The following UQCC1 variants were observed in gnomAD, a reference collection of about 807,000 sequenced individuals.
UQCC1 encodes bFGF-repressed Zic-binding protein.
In UQCC1, 38 loss-of-function variants were observed where a neutral mutation model predicts 48.0. That is an observed-to-expected ratio of 0.79 (90% CI 0.61 to 1.04). The LOEUF is 1.04. Ranked by LOEUF, UQCC1 falls within the 50% of genes least tolerant of loss-of-function variation. UQCC1 has a pLI of 0.00. For synonymous variants in UQCC1, 111 were observed against 129.2 expected (o/e 0.86, Z 0.95); for missense variants, 368 against 381.8 (o/e 0.96, Z 0.30).
chr20:35,402,970 G>C (rs1450335986), intron 1 of UQCC1, among the ~76,000 whole-genome samples: 1 of 151,990 alleles, frequency 6.6e-6, no homozygotes, highest in Non-Finnish European at 1.5e-5. Context: ...GGGAGGCTGA[G>C]GCAGGAGAAT....
At chr20:35,350,318 A>C (rs192434712) in intron 6 of UQCC1, among the ~76,000 whole-genome samples, 2 of 152,266 alleles carry the variant, frequency 1.3e-5, no homozygotes, top group Non-Finnish European at 2.9e-5. Context: ...TTGAATAATC[A>C]AACTGACAAC....
intron 6 of UQCC1, among the ~76,000 whole-genome samples, chr20:35,356,120 C>T (rs1568678343): frequency 6.6e-6 from 1 of 152,170 alleles, no homozygotes; most frequent in Non-Finnish European, 1.5e-5. Flanking sequence ...AACTCATAAG[C>T]TCAAGTGATC....
chr20:35,347,204 AAATG>A lies in UQCC1; in HGVS notation c.529_532del (p.His177LeufsTer20), dbSNP rs1456617813. The A allele has an allele frequency of 1.5e-5, 24 of 1,613,968 alleles. No individual in the cohort carries two copies. The highest frequency in any genetic ancestry group is 1.9e-5 in the Non-Finnish European group (23 of 1,180,026). ...GCGCTGCTGAACATCCTCCCACATAAAATGAACTATGATACGACACATGTACTTC... is the reference window on the plus strand; with the variant it reads ...GCGCTGCTGAACATCCTCCCACATAAAACTATGATACGACACATGTACTTC... On this transcript the variant is annotated frameshift_variant, in exon 7 of 10. Coordinates refer to ENST00000374385, the MANE Select transcript of UQCC1 (RefSeq NM_018244.5). LOFTEE classifies it high-confidence loss of function.
At chr20:35,396,974 ACAGT>A (rs1372260624) in intron 1 of UQCC1, among the ~76,000 whole-genome samples, 1 of 152,130 alleles carries the variant, frequency 6.6e-6, no homozygotes, top group Non-Finnish European at 1.5e-5. Context: ...AATGTATAAC[ACAGT>A]CAGCCCTCCA....
chr20:35,303,296 G>C lies in UQCC1; in HGVS notation c.*639C>G, dbSNP rs1473584986. 6.6e-6 allele frequency: 1 copy of C among 152,554 alleles called. No homozygotes were observed. Among genetic ancestry groups the C allele is most frequent in the Non-Finnish European group, 1.5e-5 (1 of 68,284 alleles). The allele number at this position is 152,554 out of a possible 1,614,324, so 9.5% of individuals were successfully genotyped here. On this transcript the variant is annotated 3_prime_UTR_variant, in exon 10 of 10. Coordinates refer to ENST00000374385, the MANE Select transcript of UQCC1 (RefSeq NM_018244.5). Reference sequence around the variant, plus strand: ...GGCCTGGCTGGCTGTATCTTGGCCTGAACAGAGACACATCTCCATGAACTA... The same window carrying C: ...GGCCTGGCTGGCTGTATCTTGGCCTCAACAGAGACACATCTCCATGAACTA...
chr20:35,370,566 A>G (rs2061719368), intron 5 of UQCC1, among the ~76,000 whole-genome samples: 1 of 152,230 alleles, frequency 6.6e-6, no homozygotes, highest in Non-Finnish European at 1.5e-5. Context: ...AACAGAATGT[A>G]ATAAAAATGA....
chr20:35,392,775 G>A (rs949096103), intron 2 of UQCC1, among the ~76,000 whole-genome samples: 1 of 151,734 alleles, frequency 6.6e-6, no homozygotes, highest in Admixed American at 6.6e-5. Flanking sequence ...CACATTAATT[G>A]GAGGGAATTT....
At chr20:35,336,305 G>A (rs2061315785) in intron 7 of UQCC1, among the ~76,000 whole-genome samples, 1 of 152,142 alleles carries the variant, frequency 6.6e-6, no homozygotes, top group Non-Finnish European at 1.5e-5. Context: ...AGATATCCAT[G>A]TCCCAGTTCC....
chr20:35,394,283 T>G, intron 1 of UQCC1, 87 bp from the exon 2 acceptor site: 2 of 1,155,656 alleles, frequency 1.7e-6, no homozygotes, highest in Non-Finnish European at 2.5e-6. Flanking sequence ...TACTGTAATA[T>G]AATTAGAAAT....
intron 2 of UQCC1, among the ~76,000 whole-genome samples, chr20:35,393,374 C>A (rs1278761723): frequency 6.6e-6 from 1 of 151,768 alleles, no homozygotes; most frequent in Non-Finnish European, 1.5e-5. Context: ...TCTATCAAAA[C>A]AATATGAATA....
intron 8 of UQCC1, among the ~76,000 whole-genome samples, chr20:35,309,654 G>A (rs1203782755): frequency 2.0e-5 from 3 of 152,118 alleles, no homozygotes; most frequent in Admixed American, 6.5e-5. Context: ...GTTTTCCCTC[G>A]TGACACAATG....
intron 1 of UQCC1, among the ~76,000 whole-genome samples, chr20:35,395,150 T>C (rs1355675080): frequency 6.6e-6 from 1 of 152,084 alleles, no homozygotes; most frequent in African/African-American, 2.4e-5. Flanking sequence ...GGAGGCTTCA[T>C]TACGTAGACA....
At chr20:35,382,336 A>G (rs1600987427) in intron 3 of UQCC1, among the ~76,000 whole-genome samples, 1 of 151,944 alleles carries the variant, frequency 6.6e-6, no homozygotes, top group Non-Finnish European at 1.5e-5. Context: ...GGGGGGGTCC[A>G]TAGCCTATTG....
chr20:35,399,243 A>C (rs886639781), intron 1 of UQCC1, among the ~76,000 whole-genome samples: 4 of 152,242 alleles, frequency 2.6e-5, no homozygotes, highest in African/African-American at 9.6e-5. Flanking sequence ...TTTCCCCAGC[A>C]AACTGCCAGA....
chr20:35,314,418 C>G (rs1429649977), intron 8 of UQCC1, among the ~76,000 whole-genome samples: 1 of 152,142 alleles, frequency 6.6e-6, no homozygotes, highest in Non-Finnish European at 1.5e-5. Flanking sequence ...GTCCCTCCAT[C>G]CAGCACCCAG....
chr20:35,315,976 C>G (rs1241965365), intron 7 of UQCC1, among the ~76,000 whole-genome samples: 3 of 152,208 alleles, frequency 2.0e-5, no homozygotes, highest in Non-Finnish European at 2.9e-5. Flanking sequence ...TCTTGGGGAA[C>G]AGCCTGGCCT....
At chr20:35,382,677 T>C (rs1301698322) in intron 3 of UQCC1, among the ~76,000 whole-genome samples, 1 of 151,350 alleles carries the variant, frequency 6.6e-6, no homozygotes, top group Non-Finnish European at 1.5e-5. Flanking sequence ...GCCCGGCTAA[T>C]TTTTTTGTAT....
At chr20:35,336,647 A>G (rs2061319501) in intron 7 of UQCC1, among the ~76,000 whole-genome samples, 1 of 152,008 alleles carries the variant, frequency 6.6e-6, no homozygotes, top group Non-Finnish European at 1.5e-5. Flanking sequence ...CATGAAACTG[A>G]TTTCTGGCCT....
intron 7 of UQCC1, among the ~76,000 whole-genome samples, chr20:35,341,218 CAA>C (rs61675932): frequency 0.011 from 1,326 of 115,802 alleles, 18 homozygotes; most frequent in African/African-American, 0.043. Flanking sequence ...GAGACTCCGT[CAA>C]AAAAAAAAAA....
Sources: allele counts gnomAD v4.1 joint callset (sites outside exome capture counted in the v4.1 genomes callset), GRCh38; gene constraint gnomAD v4.1.1; transcripts MANE v1.5; gene names NCBI Gene and HGNC (gene_info 2026-07-23, HGNC 2026-07-21).